TNFRSF8: variants seen among roughly 807,000 people sequenced by gnomAD.
TNFRSF8 encodes the protein TNF receptor superfamily member 8.
TNFRSF8 carries 26 observed loss-of-function variants against 70.8 expected under a neutral mutation model. That is an observed-to-expected ratio of 0.37 (90% CI 0.27 to 0.51). TNFRSF8 has a LOEUF of 0.51. TNFRSF8 is among the 20% of genes least tolerant of loss of function. The pLI is 0.94. For synonymous variants in TNFRSF8, 356 were observed against 339.2 expected (o/e 1.05, Z -0.54); for missense variants, 720 against 807.9 (o/e 0.89, Z 1.32).
rs941375346 is a variant in TNFRSF8, at chr1:12,110,999, A to G, written c.676+795A>G. 1.3e-5 allele frequency among the ~76,000 whole-genome samples: 2 copies of G among 152,178 alleles called. No homozygotes were observed. The highest frequency in any genetic ancestry group is 2.4e-5 in the African/African-American group (1 of 41,444). On this transcript the variant is annotated intron_variant, in intron 6 of 14. Transcript: ENST00000263932. This position sits in a 1 kb window ranked among gnomAD's most constrained non-coding sequence, Gnocchi z 4.0. ...TTTGGGTTGTTTCTGCCTTTTGACT[A>G]TAATGAAGAAAGAAAAATACATCTT...
chr1:12,103,970 G>A (rs931388144), intron 3 of TNFRSF8, among the ~76,000 whole-genome samples: 1 of 152,168 alleles, frequency 6.6e-6, no homozygotes, highest in Non-Finnish European at 1.5e-5. Flanking sequence ...CATCACCGTG[G>A]CATCCAGAAT....
chr1:12,068,536 G>A (rs1569973349), intron 1 of TNFRSF8, among the ~76,000 whole-genome samples: 2 of 152,184 alleles, frequency 1.3e-5, no homozygotes, highest in East Asian at 3.8e-4. Context: ...GGGTGGGGGT[G>A]GGGGACCTTC....
chr1:12,064,405 A>C (rs1243061321), intron 1 of TNFRSF8, among the ~76,000 whole-genome samples: 2 of 152,178 alleles, frequency 1.3e-5, no homozygotes, highest in African/African-American at 4.8e-5. Flanking sequence ...CAAAGTAACC[A>C]GGCGTGTTTC....
chr1:12,125,406 AT>A (rs1198156799), intron 10 of TNFRSF8, among the ~76,000 whole-genome samples: 5 of 152,124 alleles, frequency 3.3e-5, no homozygotes, highest in African/African-American at 1.2e-4. Flanking sequence ...AGCTCCCCTC[AT>A]TTTTAAACTG....
Position 12,119,346 on chromosome 1 carries a change from C to A in TNFRSF8, c.946+3617C>A, listed in dbSNP as rs148773243. On this transcript the variant is annotated intron_variant, in intron 8 of 14. Coordinates refer to ENST00000263932, the MANE Select transcript of TNFRSF8 (RefSeq NM_001243.5). The surrounding 1 kb of genome is among the most constrained non-coding windows in gnomAD (Gnocchi z 4.4). ...CCCAAAGTGCTCCAGGCGTCTCCCC[C>A]ACAGTGGCAGCCTCAATTTCTCTGT... 1.1e-4 allele frequency among the ~76,000 whole-genome samples: 17 copies of A among 152,298 alleles called. No homozygotes were observed. In the South Asian group the frequency reaches 2.9e-3, roughly 26 times the overall value.
At chr1:12,078,671 A>C (rs964615856) in intron 1 of TNFRSF8, among the ~76,000 whole-genome samples, 3 of 152,170 alleles carry the variant, frequency 2.0e-5, no homozygotes, top group African/African-American at 7.2e-5. Flanking sequence ...AAGCTGGCGG[A>C]TCAGAGCACG....
At position 12,063,731 on chromosome 1, in the gene TNFRSF8, C is replaced by G; in HGVS notation, c.63+70C>G. The G allele has an allele frequency of 8.1e-7, 1 of 1,232,152 alleles. No homozygotes were observed. The highest frequency in any genetic ancestry group is 1.0e-6 in the Non-Finnish European group (1 of 973,720). The allele number at this position is 1,232,152 out of a possible 1,614,324, so 76.3% of individuals were successfully genotyped here. On this transcript the variant is annotated intron_variant, in intron 1 of 14. Transcript: ENST00000263932. This position sits in a 1 kb window ranked among gnomAD's most constrained non-coding sequence, Gnocchi z 7.2. ...CCCGGACAGTGTGGGGTGCGTGGGA[C>G]GCAAGGGAGGACACTCCTCACCCCG...
rs1557592429 is a variant in TNFRSF8 at position 12,109,673 on chromosome 1, G to C, written c.512+17G>C. On this transcript the variant is annotated intron_variant, in intron 5 of 14. Coordinates refer to ENST00000263932, the MANE Select transcript of TNFRSF8 (RefSeq NM_001243.5). The surrounding 1 kb of genome is among the most constrained non-coding windows in gnomAD (Gnocchi z 4.4). Reference sequence around the variant, plus strand: ...ACCCTCCAGGTGACTCCCTGGCTTTGCCTCCTCCTCTTCCCCCAAGCTGGC... The same window carrying C: ...ACCCTCCAGGTGACTCCCTGGCTTTCCCTCCTCCTCTTCCCCCAAGCTGGC... 3 of 1,607,608 alleles carry C rather than the reference G, an allele frequency of 1.9e-6. No individual in the cohort carries two copies. The South Asian group carries it at 3.3e-5, about 18-fold the overall frequency.
At chr1:12,093,298 A>G (rs1641276604) in intron 2 of TNFRSF8, among the ~76,000 whole-genome samples, 1 of 152,158 alleles carries the variant, frequency 6.6e-6, no homozygotes, top group Non-Finnish European at 1.5e-5. Context: ...TTCAGGATGT[A>G]TGAGGGGTGT....
At chr1:12,120,263 G>A (rs1641806604) in intron 8 of TNFRSF8, among the ~76,000 whole-genome samples, 1 of 152,182 alleles carries the variant, frequency 6.6e-6, no homozygotes, top group Non-Finnish European at 1.5e-5. Context: ...TCCTAGCAGA[G>A]CAAGGAAGGG....
chr1:12,080,433 G>A, intron 1 of TNFRSF8: 1 of 526,784 alleles, frequency 1.9e-6, no homozygotes, highest in Non-Finnish European at 3.8e-6. Flanking sequence ...GTGAATACAA[G>A]TGTGTTGTTG....
At position 12,109,687 on chromosome 1, in the gene TNFRSF8, C is replaced by A; in HGVS notation, c.512+31C>A. ...TCCCTGGCTTTGCCTCCTCCTCTTCCCCCAAGCTGGCTTTCAGATGAGGCT... is the reference window on the plus strand; with the variant it reads ...TCCCTGGCTTTGCCTCCTCCTCTTCACCCAAGCTGGCTTTCAGATGAGGCT... On this transcript the variant is annotated intron_variant, in intron 5 of 14. Transcript: ENST00000263932. This position sits in a 1 kb window ranked among gnomAD's most constrained non-coding sequence, Gnocchi z 4.4. The A allele has an allele frequency of 1.9e-6, 3 of 1,589,822 alleles. No individual in the cohort carries two copies. Among genetic ancestry groups the A allele is most frequent in the African/African-American group, 1.3e-5 (1 of 74,620 alleles).
chr1:12,102,829 C>T (rs1438173610), intron 3 of TNFRSF8, among the ~76,000 whole-genome samples: 2 of 150,322 alleles, frequency 1.3e-5, no homozygotes, highest in African/African-American at 4.9e-5. Flanking sequence ...CCCCGCCTAG[C>T]TGTACTTTTT....
intron 1 of TNFRSF8, among the ~76,000 whole-genome samples, chr1:12,069,587 C>T (rs1015723294): frequency 3.3e-5 from 5 of 152,220 alleles, no homozygotes; most frequent in Non-Finnish European, 7.3e-5. Flanking sequence ...AGTCACACAC[C>T]TGTCCTCCAA....
Position 12,142,695 on chromosome 1 carries a change from G to A in TNFRSF8, c.*164G>A, listed in dbSNP as rs1570096493. 3.2e-6 allele frequency: 3 copies of A among 950,874 alleles called. No homozygotes were observed. The East Asian group carries it at 8.0e-5, about 25-fold the overall frequency. 58.9% of individuals were successfully genotyped at this position (950,874 alleles called of 1,614,324 possible). ...TCACTGCAGGGGTCTGGTGGTCTCT[G>A]CTTGCATCCCCAACTTAGCTGTCCC... is the stretch of plus-strand genomic sequence containing the variant. On this transcript the variant is annotated 3_prime_UTR_variant, in exon 15 of 15. Coordinates refer to ENST00000263932, the MANE Select transcript of TNFRSF8 (RefSeq NM_001243.5). The surrounding 1 kb of genome is among the most constrained non-coding windows in gnomAD (Gnocchi z 5.0).
chr1:12,084,530 T>C lies in TNFRSF8; in HGVS notation c.130T>C (p.Cys44Arg), dbSNP rs2100968236. 2 of 1,612,522 alleles carry C rather than the reference T, an allele frequency of 1.2e-6. No individual in the cohort carries two copies. Among genetic ancestry groups the C allele is most frequent in the East Asian group, 2.2e-5 (1 of 44,812 alleles). ...SHYYDKAVRR[C>R]CYRCPMGLFP... is the part of the protein sequence containing the mutation. ...CTACTATGACAAGGCTGTCAGGAGG[T>C]GCTGTTACCGCTGCCCCATGGGTGA... is the stretch of plus-strand genomic sequence containing the variant. Residue 44 changes from cysteine (C) to arginine (R), a missense_variant, in exon 2 of 15, where the codon TGC (cysteine) becomes CGC (arginine). Physicochemically the swap from Cys to Arg is radical, Grantham distance 180. Transcript: ENST00000263932.
At chr1:12,107,665 A>G (rs1319776499) in intron 4 of TNFRSF8, among the ~76,000 whole-genome samples, 1 of 151,992 alleles carries the variant, frequency 6.6e-6, no homozygotes, top group East Asian at 1.9e-4. Context: ...TCTGTTGGAC[A>G]GCACTGTTTT....
chr1:12,111,776 T>G, intron 6 of TNFRSF8, 122 bp from the exon 7 acceptor site: 1 of 775,464 alleles, frequency 1.3e-6, no homozygotes, highest in Non-Finnish European at 2.3e-6. Flanking sequence ...AAGGCTGGAC[T>G]GAGCTGACAT....
Position 12,063,732 on chromosome 1 carries a change from G to C in TNFRSF8, c.63+71G>C, listed in dbSNP as rs1189269395. 1 of 1,228,788 alleles carries C rather than the reference G, an allele frequency of 8.1e-7. No individual in the cohort carries two copies. Among genetic ancestry groups the C allele is most frequent in the Admixed American group, 4.2e-5 (1 of 23,676 alleles). 76.1% of individuals were successfully genotyped at this position (1,228,788 alleles called of 1,614,324 possible). ...CCGGACAGTGTGGGGTGCGTGGGAC[G>C]CAAGGGAGGACACTCCTCACCCCGT... is the stretch of plus-strand genomic sequence containing the variant. On this transcript the variant is annotated intron_variant, in intron 1 of 14. Coordinates refer to ENST00000263932, the MANE Select transcript of TNFRSF8 (RefSeq NM_001243.5). The surrounding 1 kb of genome is among the most constrained non-coding windows in gnomAD (Gnocchi z 7.2).
Sources: gnomAD v4.1 joint callset for allele counts (sites outside exome capture counted in the v4.1 genomes callset) on GRCh38, gnomAD v4.1.1 for gene constraint, Gnocchi (gnomAD v3.1) non-coding constraint, MANE v1.5 for transcripts, NCBI Gene and HGNC (gene_info 2026-07-23, HGNC 2026-07-21) for gene names.